The following PPP3CA variants were observed in gnomAD, a reference collection of about 807,000 sequenced individuals.
PPP3CA encodes the protein protein phosphatase 3 catalytic subunit alpha, also known as CAM-PRP catalytic subunit.
In PPP3CA, 14 loss-of-function variants were observed where a neutral mutation model predicts 66.5. The observed-to-expected ratio is 0.21, with a 90% CI of 0.14 to 0.33. The LOEUF is 0.33. Ranked by LOEUF, PPP3CA falls within the 10% of genes least tolerant of loss-of-function variation. PPP3CA has a pLI of 1.00. For missense variants in PPP3CA, 317 were observed against 639.5 expected (o/e 0.50, Z 5.44); for synonymous variants, 232 against 226.2 (o/e 1.03, Z -0.23).
At chr4:101,297,152 T>C (rs539179541) in intron 1 of PPP3CA, among the ~76,000 whole-genome samples, 2 of 152,348 alleles carry the variant, frequency 1.3e-5, no homozygotes, top group East Asian at 1.9e-4. Flanking sequence ...TAATCGTCTT[T>C]TCTTTTTAAT....
At chr4:101,042,631 T>G (rs939804015) in intron 10 of PPP3CA, among the ~76,000 whole-genome samples, 3 of 152,078 alleles carry the variant, frequency 2.0e-5, no homozygotes, top group African/African-American at 7.2e-5. Flanking sequence ...AAATAGGGTG[T>G]GTGCAGGATC....
At position 101,246,910 on chromosome 4, in the gene PPP3CA, C is replaced by T. The variant is rs1578591084; in HGVS notation, c.59-50794G>A. The stretch of plus-strand genomic sequence containing the variant: ...TGAATTTGCAGGCTTCTCCTATAAC[C>T]CTTCGTCTTCTAGCTACCCCACAAA... On this transcript the variant is annotated intron_variant, in intron 1 of 13. Transcript: ENST00000394854. 2.0e-5 allele frequency among the ~76,000 whole-genome samples: 3 copies of T among 152,162 alleles called. No homozygotes were observed. In the South Asian group the frequency reaches 6.2e-4, roughly 32 times the overall value.
intron 11 of PPP3CA, among the ~76,000 whole-genome samples, chr4:101,034,011 A>C (rs1560571555): frequency 6.6e-6 from 1 of 152,130 alleles, no homozygotes; most frequent in East Asian, 1.9e-4. Flanking sequence ...TCAGTATGGC[A>C]GCCAGGGTGA....
chr4:101,297,504 C>T (rs939103431), intron 1 of PPP3CA, among the ~76,000 whole-genome samples: 2 of 152,156 alleles, frequency 1.3e-5, no homozygotes, highest in Non-Finnish European at 2.9e-5. Flanking sequence ...CCCAAGGTCT[C>T]TTAGGAAACA....
chr4:101,101,407 G>A (rs982222535), intron 3 of PPP3CA, among the ~76,000 whole-genome samples: 5 of 152,136 alleles, frequency 3.3e-5, no homozygotes, highest in Admixed American at 2.0e-4. Flanking sequence ...TCAATGGGAG[G>A]ACTGTCCCCA....
chr4:101,067,701 A>T (rs546884244), intron 8 of PPP3CA, among the ~76,000 whole-genome samples: 1 of 151,364 alleles, frequency 6.6e-6, no homozygotes, highest in African/African-American at 2.4e-5. Flanking sequence ...GCATTAGGTG[A>T]TATACCTAAT....
At chr4:101,308,777 C>T (rs972620246) in intron 1 of PPP3CA, among the ~76,000 whole-genome samples, 3 of 152,202 alleles carry the variant, frequency 2.0e-5, no homozygotes, top group Admixed American at 1.3e-4. Context: ...TTTGTAGTCA[C>T]AAAAAATTTC....
intron 1 of PPP3CA, among the ~76,000 whole-genome samples, chr4:101,335,427 C>T (rs1220492283): frequency 6.6e-6 from 1 of 152,096 alleles, no homozygotes; most frequent in Non-Finnish European, 1.5e-5. Flanking sequence ...AATAGCCCCA[C>T]TATCACCACA....
At chr4:101,099,178 T>C (rs1730334212) in intron 4 of PPP3CA, among the ~76,000 whole-genome samples, 1 of 152,164 alleles carries the variant, frequency 6.6e-6, no homozygotes, top group African/African-American at 2.4e-5. Context: ...ACACTCCTAG[T>C]GTCTATGTCT....
chr4:101,220,295 G>A (rs1187285103), intron 1 of PPP3CA, among the ~76,000 whole-genome samples: 1 of 56,794 alleles, frequency 1.8e-5, no homozygotes, highest in East Asian at 3.2e-4. Context: ...TTACTTGACA[G>A]CACGTTTTTT....
At chr4:101,257,574 A>G (rs1349588791) in intron 1 of PPP3CA, among the ~76,000 whole-genome samples, 1 of 152,012 alleles carries the variant, frequency 6.6e-6, no homozygotes, top group Non-Finnish European at 1.5e-5. Context: ...AATGTGTAAA[A>G]TATTTAGAAT....
At chr4:101,092,525 T>C (rs1366012645) in intron 6 of PPP3CA, among the ~76,000 whole-genome samples, 3 of 151,934 alleles carry the variant, frequency 2.0e-5, no homozygotes, top group African/African-American at 7.3e-5. Flanking sequence ...CCCTGGCGGT[T>C]TGTTGCACCC....
At chr4:101,289,373 G>A (rs944906043) in intron 1 of PPP3CA, among the ~76,000 whole-genome samples, 9 of 152,098 alleles carry the variant, frequency 5.9e-5, no homozygotes, top group Non-Finnish European at 7.4e-5. Flanking sequence ...CCACAAATGC[G>A]TAACCTATTT....
intron 1 of PPP3CA, among the ~76,000 whole-genome samples, chr4:101,342,374 C>G (rs1424333587): frequency 1.3e-5 from 2 of 152,112 alleles, no homozygotes; most frequent in African/African-American, 4.8e-5. Context: ...ATTAAATTTA[C>G]TGAATGTTTT....
chr4:101,251,486 T>G (rs1018981932), intron 1 of PPP3CA, among the ~76,000 whole-genome samples: 6 of 152,008 alleles, frequency 3.9e-5, no homozygotes, highest in African/African-American at 1.4e-4. Context: ...AAAAATTAAG[T>G]TGGATCCAAC....
At chr4:101,309,356 A>C (rs924597312) in intron 1 of PPP3CA, among the ~76,000 whole-genome samples, 1 of 152,198 alleles carries the variant, frequency 6.6e-6, no homozygotes, top group African/African-American at 2.4e-5. Context: ...TCTACTTGAT[A>C]ATAATCCATA....
chr4:101,241,180 G>A (rs2110233898), intron 1 of PPP3CA, among the ~76,000 whole-genome samples: 1 of 152,142 alleles, frequency 6.6e-6, no homozygotes, highest in East Asian at 1.9e-4. Context: ...ATACATAAGA[G>A]GAGATGGTAT....
intron 1 of PPP3CA, among the ~76,000 whole-genome samples, chr4:101,245,292 C>G (rs1021418727): frequency 6.6e-6 from 1 of 152,186 alleles, no homozygotes; most frequent in African/African-American, 2.4e-5. Flanking sequence ...TGTATCTGAG[C>G]TCAGTCTTAT....
chr4:101,112,102 A>G (rs1474609101), intron 2 of PPP3CA, among the ~76,000 whole-genome samples: 3 of 152,176 alleles, frequency 2.0e-5, no homozygotes, highest in Non-Finnish European at 4.4e-5. Context: ...AAATACCAAG[A>G]CATTAATTTA....
Sources: allele counts gnomAD v4.1 joint callset (sites outside exome capture counted in the v4.1 genomes callset), GRCh38; gene constraint gnomAD v4.1.1; transcripts MANE v1.5; gene names NCBI Gene and HGNC (gene_info 2026-07-23, HGNC 2026-07-21).